Variants in NUP62CL observed in about 807,000 individuals in gnomAD.
The protein encoded by NUP62CL is nucleoporin-62 C-terminal-like protein.
Under a neutral mutation model 15.3 loss-of-function variants are expected in NUP62CL, and 13 were observed. The observed-to-expected ratio is 0.85, with a 90% CI of 0.55 to 1.35. The LOEUF is 1.35. NUP62CL is among the 40% of genes most tolerant of loss of function. NUP62CL has a pLI of 0.00. For synonymous variants in NUP62CL, 54 were observed against 49.2 expected, an observed-to-expected ratio of 1.10 and a Z score of -0.41; for missense variants, 123 against 130.6, an observed-to-expected ratio of 0.94 and a Z score of 0.28.
intron 8 of NUP62CL, among the ~76,000 whole-genome samples, chrX:107,137,194 G>A (rs1054709895): frequency 9.0e-6 from 1 of 111,731 alleles, no homozygotes; most frequent in Non-Finnish European, 1.9e-5. Flanking sequence ...ACCTGTTCAT[G>A]GTAAAACAAA....
rs777697129 is a variant in NUP62CL, at chrX:107,142,374, C to A, written c.*42+5369G>T. On this transcript the variant is annotated intron_variant, in intron 8 of 8. Coordinates refer to ENST00000372466, the MANE Select transcript of NUP62CL (RefSeq NM_017681.3). ...GAAATATTACAAAATCCCTATGGTG[C>A]TTATAGTTACTCTAAGGAGTAACTC... is the stretch of plus-strand genomic sequence containing the variant. 8.1e-5 allele frequency among the ~76,000 whole-genome samples: 9 copies of A among 111,375 alleles called. No individual in the cohort carries two copies. The South Asian group carries it at 3.4e-3, about 42-fold the overall frequency.
intron 1 of NUP62CL, among the ~76,000 whole-genome samples, chrX:107,197,654 A>G (rs1927386725): frequency 9.2e-6 from 1 of 109,111 alleles, no homozygotes; most frequent in Non-Finnish European, 1.9e-5. Context: ...AAAGCACACT[A>G]GGCCCCCAAA....
chrX:107,173,561 C>T (rs1022105742), intron 3 of NUP62CL, among the ~76,000 whole-genome samples: 4 of 111,864 alleles, frequency 3.6e-5, no homozygotes, highest in Admixed American at 1.9e-4. Flanking sequence ...TTTGACTGAA[C>T]ATGGAATTAA....
chrX:107,189,876 G>GGA (rs1927176463), intron 2 of NUP62CL, among the ~76,000 whole-genome samples: 133 of 46,761 alleles, frequency 2.8e-3, no homozygotes, highest in Non-Finnish European at 3.7e-3. Flanking sequence ...GAAAAAGAAA[G>GGA]AAAAGAAAGA....
chrX:107,131,131 T>C (rs765605279), intron 8 of NUP62CL, among the ~76,000 whole-genome samples: 1 of 111,408 alleles, frequency 9.0e-6, no homozygotes, highest in Admixed American at 9.5e-5. Flanking sequence ...AAATAAGGTA[T>C]GGACAAGGAG....
At chrX:107,193,639 C>G (rs184357078) in intron 1 of NUP62CL, among the ~76,000 whole-genome samples, 1 of 110,566 alleles carries the variant, frequency 9.0e-6, no homozygotes, top group Non-Finnish European at 1.9e-5. Context: ...GGCAGGTTGC[C>G]CATGACATTA....
chrX:107,185,157 A>G (rs1233733497), intron 2 of NUP62CL, among the ~76,000 whole-genome samples: 1 of 93,023 alleles, frequency 1.1e-5, no homozygotes, highest in Non-Finnish European at 2.0e-5. Context: ...AGATCGCGCC[A>G]CTGCACTCCA....
intron 8 of NUP62CL, among the ~76,000 whole-genome samples, chrX:107,124,836 G>A (rs2147789032): frequency 9.0e-6 from 1 of 111,587 alleles, no homozygotes; most frequent in East Asian, 2.8e-4. Context: ...GTAACTTTCT[G>A]CTAGTAAAAC....
chrX:107,142,161 T>TA (rs1368034499), intron 8 of NUP62CL, among the ~76,000 whole-genome samples: 6 of 111,106 alleles, frequency 5.4e-5, no homozygotes, highest in Non-Finnish European at 9.4e-5. Context: ...CCTCAGACAA[T>TA]AAATATTAAC....
At chrX:107,186,958 A>G (rs182946842) in intron 2 of NUP62CL, among the ~76,000 whole-genome samples, 12 of 112,179 alleles carry the variant, frequency 1.1e-4, no homozygotes, top group Non-Finnish European at 1.3e-4. Context: ...TAGATCATAT[A>G]TTTAGCCATA....
At chrX:107,152,252 C>G (rs2147798764) in intron 7 of NUP62CL, among the ~76,000 whole-genome samples, 1 of 100,362 alleles carries the variant, frequency 1.0e-5, no homozygotes, top group South Asian at 4.7e-4. Flanking sequence ...AAGATTTCTT[C>G]AAACTACAGT....
chrX:107,127,985 G>T (rs1433932646), intron 8 of NUP62CL, among the ~76,000 whole-genome samples: 1 of 112,030 alleles, frequency 8.9e-6, no homozygotes, highest in African/African-American at 3.2e-5. Context: ...GTAATTACAG[G>T]AGTGGTACTG....
intron 3 of NUP62CL, among the ~76,000 whole-genome samples, chrX:107,174,814 A>C (rs1926746313): frequency 8.9e-6 from 1 of 112,159 alleles, no homozygotes; most frequent in South Asian, 3.7e-4. Flanking sequence ...TTCTGTTAAT[A>C]GCTTCAAGGA....
chrX:107,165,653 A>C (rs914587076), intron 4 of NUP62CL, among the ~76,000 whole-genome samples: 2 of 112,017 alleles, frequency 1.8e-5, no homozygotes, highest in African/African-American at 6.5e-5. Context: ...TATTCCACAT[A>C]TGCAGGGCTG....
chrX:107,204,460 G>A (rs1927560712), intron 1 of NUP62CL, among the ~76,000 whole-genome samples: 1 of 111,094 alleles, frequency 9.0e-6, no homozygotes. Flanking sequence ...ACAGTTCTTA[G>A]TATTGGACGC....
chrX:107,164,688 A>G (rs1357851614), intron 4 of NUP62CL, among the ~76,000 whole-genome samples: 5 of 112,684 alleles, frequency 4.4e-5, no homozygotes, highest in Admixed American at 3.7e-4. Context: ...ATTTTTAACA[A>G]TATAAAAAAT....
intron 2 of NUP62CL, among the ~76,000 whole-genome samples, chrX:107,186,136 C>T (rs1211640319): frequency 6.3e-5 from 7 of 111,368 alleles, no homozygotes; most frequent in Non-Finnish European, 1.1e-4. Context: ...GTTCAATACC[C>T]GTCTCTTACC....
At chrX:107,171,312 A>G (rs1926644448) in intron 3 of NUP62CL, among the ~76,000 whole-genome samples, 2 of 111,711 alleles carry the variant, frequency 1.8e-5, no homozygotes, top group South Asian at 3.8e-4. Flanking sequence ...GTTGAGACAT[A>G]CCTAATGGGG....
At chrX:107,144,389 CTTAAA>C (rs1010333766) in intron 8 of NUP62CL, among the ~76,000 whole-genome samples, 4 of 111,770 alleles carry the variant, frequency 3.6e-5, no homozygotes, top group African/African-American at 1.3e-4. Context: ...GCTGTGTGTT[CTTAAA>C]GAAGTCATTC....
Sources: allele counts gnomAD v4.1 joint callset (sites outside exome capture counted in the v4.1 genomes callset), GRCh38; gene constraint gnomAD v4.1.1; transcripts MANE v1.5; gene names NCBI Gene and HGNC (gene_info 2026-07-23, HGNC 2026-07-21).